The following KAZN variants were observed in gnomAD, a reference collection of about 807,000 sequenced individuals.
KAZN encodes the protein kazrin, periplakin interacting protein.
A neutral mutation model predicts 87.4 loss-of-function variants in KAZN; 40 were observed. The ratio of observed to expected loss-of-function variants is 0.46; its 90% CI spans 0.36 to 0.60. KAZN has a LOEUF of 0.60. Ranked by LOEUF, KAZN falls within the 20% of genes least tolerant of loss-of-function variation. KAZN has a pLI of 0.00. For synonymous variants in KAZN, 466 were observed against 458.3 expected (o/e 1.02, Z -0.22); for missense variants, 898 against 1,073.9 (o/e 0.84, Z 2.29).
At chr1:14,899,011 A>G (rs1489980036) in intron 1 of KAZN, among the ~76,000 whole-genome samples, 1 of 152,124 alleles carries the variant, frequency 6.6e-6, no homozygotes, top group Non-Finnish European at 1.5e-5. Flanking sequence ...GGAGATCAGG[A>G]GATGCAGGTT....
At chr1:14,999,621 G>A (rs1035316955) in intron 2 of KAZN, among the ~76,000 whole-genome samples, 1 of 152,102 alleles carries the variant, frequency 6.6e-6, no homozygotes, top group African/African-American at 2.4e-5. Flanking sequence ...CAGAATCTCC[G>A]GGCACCCCTT....
intron 2 of KAZN, among the ~76,000 whole-genome samples, chr1:14,999,795 C>G (rs759713262): frequency 6.6e-6 from 1 of 152,214 alleles, no homozygotes; most frequent in Non-Finnish European, 1.5e-5. Flanking sequence ...AGTGGGCACT[C>G]TGCCCTGGGC....
At chr1:14,121,467 T>C (rs1644750749) in intron 1 of KAZN, among the ~76,000 whole-genome samples, 1 of 152,066 alleles carries the variant, frequency 6.6e-6, no homozygotes, top group South Asian at 2.1e-4. Flanking sequence ...TATCCACAAT[T>C]ATACAGTTAG....
intron 1 of KAZN, among the ~76,000 whole-genome samples, chr1:14,942,996 T>TGTGTGTGTGTG (rs1209242904): frequency 7.6e-6 from 1 of 131,664 alleles, no homozygotes; most frequent in Non-Finnish European, 1.6e-5. Context: ...GAGCTGCGTG[T>TGTGTGTGTGTG]GTGTGTGTGT....
At chr1:13,988,741 G>T (rs1414002438) in intron 1 of KAZN, among the ~76,000 whole-genome samples, 1 of 152,084 alleles carries the variant, frequency 6.6e-6, no homozygotes, top group African/African-American at 2.4e-5. Flanking sequence ...TGTTAATAAA[G>T]AAAAACAAAA....
intron 6 of KAZN, 51 bp from the exon 7 acceptor site, chr1:15,063,521 C>T: frequency 6.5e-7 from 1 of 1,533,206 alleles, no homozygotes; most frequent in Non-Finnish European, 9.0e-7. Context: ...CTCTGCTCTC[C>T]TGTGTCACCT....
intron 1 of KAZN, among the ~76,000 whole-genome samples, chr1:14,931,924 G>C (rs878898335): frequency 6.6e-6 from 1 of 152,076 alleles, no homozygotes; most frequent in Non-Finnish European, 1.5e-5. Context: ...CCCCTGTCCG[G>C]GCACGCGTGT....
chr1:15,110,391 T>G (rs111203781), intron 13 of KAZN, among the ~76,000 whole-genome samples: 27 of 150,926 alleles, frequency 1.8e-4, no homozygotes, highest in South Asian at 8.3e-4. Context: ...ATTTGTGTGT[T>G]TGTGTGTGTC....
chr1:13,942,586 T>A (rs1226606948), intron 1 of KAZN, among the ~76,000 whole-genome samples: 1 of 149,160 alleles, frequency 6.7e-6, no homozygotes, highest in Non-Finnish European at 1.5e-5. Flanking sequence ...ATATATATAA[T>A]TCACCAACAC....
chr1:14,758,483 T>G (rs1040705226), intron 1 of KAZN, among the ~76,000 whole-genome samples: 2 of 37,886 alleles, frequency 5.3e-5, no homozygotes, highest in Non-Finnish European at 1.5e-4. Flanking sequence ...AATTTTTTAA[T>G]TTTTTTTTTT....
At chr1:15,105,933 C>A (rs1184106563) in intron 13 of KAZN, among the ~76,000 whole-genome samples, 2 of 152,144 alleles carry the variant, frequency 1.3e-5, no homozygotes, top group Non-Finnish European at 2.9e-5. Flanking sequence ...GAGCACAGGA[C>A]TCTACATTTT....
chr1:14,438,074 A>T (rs1402113949), intron 2 of KAZN, among the ~76,000 whole-genome samples: 1 of 145,124 alleles, frequency 6.9e-6, no homozygotes, highest in African/African-American at 2.6e-5. Context: ...AAGAAAGGTC[A>T]AAAAGTTATT....
intron 1 of KAZN, among the ~76,000 whole-genome samples, chr1:13,935,386 A>C (rs954315487): frequency 4.0e-4 from 61 of 152,320 alleles, no homozygotes; most frequent in African/African-American, 1.4e-3. Flanking sequence ...GACTTGTGTA[A>C]GGTGAAACAA....
At chr1:14,775,830 C>T (rs746739167) in intron 1 of KAZN, among the ~76,000 whole-genome samples, 3 of 152,194 alleles carry the variant, frequency 2.0e-5, no homozygotes, top group Non-Finnish European at 2.9e-5. Flanking sequence ...CCACAGAGCA[C>T]GTCCTCCTAA....
chr1:14,722,629 G>A (rs1643177362), intron 1 of KAZN, among the ~76,000 whole-genome samples: 2 of 152,082 alleles, frequency 1.3e-5, no homozygotes, highest in Admixed American at 6.5e-5. Context: ...CTATTACTTG[G>A]TATCTCTCTG....
rs367933648 is a variant in KAZN at position 15,043,431 on chromosome 1, G to A, written c.556-558G>A. 2.0e-3 allele frequency among the ~76,000 whole-genome samples: 306 copies of A among 152,200 alleles called. 1 individual carries two copies. The highest frequency in any genetic ancestry group is 0.01 in the Middle Eastern group (3 of 294). On this transcript the variant is annotated intron_variant, in intron 3 of 14. Transcript: ENST00000376030. ...TTTTACATAAGGGGAACCCAGACTCGATGAGGTAGAATGACTTCCCCAAAG... is the reference window on the plus strand; with the variant it reads ...TTTTACATAAGGGGAACCCAGACTCAATGAGGTAGAATGACTTCCCCAAAG...
chr1:14,291,966 T>C (rs980059904), intron 2 of KAZN, among the ~76,000 whole-genome samples: 1 of 152,214 alleles, frequency 6.6e-6, no homozygotes, highest in Non-Finnish European at 1.5e-5. Context: ...CATGCAAAAC[T>C]GTGAGTCAAT....
chr1:14,100,517 T>G (rs956264731), intron 1 of KAZN, among the ~76,000 whole-genome samples: 5 of 151,814 alleles, frequency 3.3e-5, no homozygotes, highest in African/African-American at 1.2e-4. Flanking sequence ...CTTCCAAGAG[T>G]CCCCTCACTG....
intron 4 of KAZN, among the ~76,000 whole-genome samples, chr1:15,050,990 C>T (rs552104039): frequency 6.6e-6 from 1 of 152,342 alleles, no homozygotes; most frequent in South Asian, 2.1e-4. Flanking sequence ...AGGAGAAGAA[C>T]TTAGCTGTGC....
Sources: allele counts gnomAD v4.1 joint callset (sites outside exome capture counted in the v4.1 genomes callset), GRCh38; gene constraint gnomAD v4.1.1; transcripts MANE v1.5; gene names NCBI Gene and HGNC (gene_info 2026-07-23, HGNC 2026-07-21).